GOLGA8B: variants seen among roughly 807,000 people sequenced by gnomAD.
GOLGA8B encodes golgin A8 family member B, also known as golgin subfamily A member 8B.
Under a neutral mutation model 15.6 loss-of-function variants are expected in GOLGA8B, and 1 was observed. The ratio of observed to expected loss-of-function variants is 0.06; its 90% CI spans 0.02 to 0.30. The LOEUF (loss-of-function observed/expected upper bound fraction) is 0.30, where lower values mean the gene tolerates loss of function less well. GOLGA8B is among the 10% of genes least tolerant of loss of function. GOLGA8B has a pLI of 1.00. For synonymous variants in GOLGA8B, 9 were observed against 80.3 expected (o/e 0.11, Z 4.75); for missense variants, 17 against 201.3 (o/e 0.08, Z 5.54).
At chr15:34,567,344 A>T (rs1437233503) in intron 1 of GOLGA8B, among the ~76,000 whole-genome samples, 2 of 149,852 alleles carry the variant, frequency 1.3e-5, no homozygotes, top group African/African-American at 2.5e-5. Context: ...GGCCCTCGAG[A>T]TCACACTGGG....
Position 34,525,452 on chromosome 15 carries a change from A to G in GOLGA8B, c.*2180T>C, listed in dbSNP as rs1894421928. ...CTTGGCAAACAAAGCTTTGGACTGG[A>G]ATTGGCATTTCTTTCTCTACTTTTC... is the stretch of plus-strand genomic sequence containing the variant. On this transcript the variant is annotated 3_prime_UTR_variant, in exon 24 of 24. Coordinates refer to ENST00000683415, the MANE Select transcript of GOLGA8B (RefSeq NM_001023567.5). 1 of 149,920 alleles carries G rather than the reference A, an allele frequency of 6.7e-6. No individual in the cohort carries two copies. Among genetic ancestry groups the G allele is most frequent in the Non-Finnish European group, 1.5e-5 (1 of 67,260 alleles). 9.3% of individuals were successfully genotyped at this position (149,920 alleles called of 1,614,324 possible). A position where few individuals can be genotyped will look rare whatever the true frequency, so the allele number is the denominator to read the frequency against.
In GOLGA8B at chr15:34,566,585, G is replaced by C. The variant is rs1253700095; in HGVS notation, c.-1122-12629C>G. On this transcript the variant is annotated intron_variant, in intron 1 of 23. Coordinates refer to ENST00000683415, the MANE Select transcript of GOLGA8B (RefSeq NM_001023567.5). ...CTACTGGAGGACAAGGCAGCAGGCA[G>C]GGAAGATGGCCCAAGCCTGCTTTGA... is the stretch of plus-strand genomic sequence containing the variant. 2 of 143,756 alleles carry C rather than the reference G, an allele frequency of 1.4e-5. 1 individual carries two copies. The highest frequency in any genetic ancestry group is 3.1e-5 in the Non-Finnish European group (2 of 63,692). The allele number at this position is 143,756 out of a possible 1,614,324, so 8.9% of individuals were successfully genotyped here. A position where few individuals can be genotyped will look rare whatever the true frequency, so the allele number is the denominator to read the frequency against.
chr15:34,572,844 C>A (rs62006257), intron 1 of GOLGA8B, among the ~76,000 whole-genome samples: 16,011 of 151,878 alleles, frequency 0.11, 877 homozygotes, highest in Admixed American at 0.24. Flanking sequence ...TTAGGCGCCA[C>A]CCCCGTTGAT....
chr15:34,572,232 A>G (rs1254522191), intron 1 of GOLGA8B, among the ~76,000 whole-genome samples: 3 of 152,204 alleles, frequency 2.0e-5, no homozygotes, highest in African/African-American at 7.2e-5. Context: ...AATGGTCACC[A>G]CCTGTCAAGA....
chr15:34,573,617 C>T (rs1483566246), intron 1 of GOLGA8B, among the ~76,000 whole-genome samples: 1 of 151,706 alleles, frequency 6.6e-6, no homozygotes, highest in African/African-American at 2.4e-5. Flanking sequence ...TAATCGAGTC[C>T]GTTTTTCTGA....
chr15:34,570,509 C>T (rs897970070), intron 1 of GOLGA8B, among the ~76,000 whole-genome samples: 2 of 114,558 alleles, frequency 1.7e-5, no homozygotes, highest in African/African-American at 3.0e-5. Flanking sequence ...AGCCAACCCA[C>T]TGACCATGAA....
intron 1 of GOLGA8B, among the ~76,000 whole-genome samples, chr15:34,570,666 G>T (rs201877593): frequency 2.5e-5 from 3 of 118,040 alleles, no homozygotes; most frequent in Non-Finnish European, 5.5e-5. Context: ...AAAAAAATAC[G>T]AGAGGAAGAA....
intron 1 of GOLGA8B, among the ~76,000 whole-genome samples, chr15:34,581,977 G>A (rs1421534165): frequency 6.6e-6 from 1 of 152,090 alleles, no homozygotes; most frequent in Non-Finnish European, 1.5e-5. Flanking sequence ...AGCTTTATCT[G>A]CTCACGCCCT....
At chr15:34,572,438 T>A (rs1011940107) in intron 1 of GOLGA8B, among the ~76,000 whole-genome samples, 6 of 152,218 alleles carry the variant, frequency 3.9e-5, no homozygotes, top group African/African-American at 1.4e-4. Flanking sequence ...AGTCACATAT[T>A]ATGCAAGCGT....
intron 1 of GOLGA8B, among the ~76,000 whole-genome samples, chr15:34,575,162 T>G (rs1372426092): frequency 2.0e-5 from 3 of 150,512 alleles, no homozygotes; most frequent in African/African-American, 7.3e-5. Context: ...GGCTGGGACT[T>G]GGCATCAGCT....
chr15:34,567,747 A>G (rs1290663591), intron 1 of GOLGA8B, among the ~76,000 whole-genome samples: 2 of 151,872 alleles, frequency 1.3e-5, no homozygotes, highest in Admixed American at 6.5e-5. Context: ...CAAGAATCCT[A>G]AAAGTTACCA....
At chr15:34,574,303 CTTT>C (rs112808701) in intron 1 of GOLGA8B, among the ~76,000 whole-genome samples, 26,173 of 144,474 alleles carry the variant, frequency 0.18, 2,219 homozygotes, top group Admixed American at 0.3. Context: ...TCAAATCAGA[CTTT>C]TTTTTTTTTT....
intron 1 of GOLGA8B, among the ~76,000 whole-genome samples, chr15:34,569,721 G>C (rs1423262313): frequency 6.6e-6 from 1 of 151,446 alleles, no homozygotes; most frequent in African/African-American, 2.4e-5. Flanking sequence ...AAAAGTCTAT[G>C]ATGTGCAAAA....
chr15:34,576,008 T>C (rs1423284591), intron 1 of GOLGA8B, among the ~76,000 whole-genome samples: 1 of 152,238 alleles, frequency 6.6e-6, no homozygotes, highest in Non-Finnish European at 1.5e-5. Context: ...GTTGTACCAC[T>C]GCAGAGTCCC....
chr15:34,583,462 C>T (rs62004939), intron 1 of GOLGA8B, 54 bp downstream of exon 1: 27,583 of 151,394 alleles, frequency 0.18, 3,037 homozygotes, highest in Non-Finnish European at 0.26. Flanking sequence ...GCGCCGCGGG[C>T]GGCCCCAGGT....
chr15:34,574,999 C>T (rs1889028119), intron 1 of GOLGA8B: 1 of 152,068 alleles, frequency 6.6e-6, no homozygotes, highest in African/African-American at 2.4e-5. Context: ...TCCCCAGACC[C>T]CACCCTGCTG....
At chr15:34,583,090 C>T (rs1203014828) in intron 1 of GOLGA8B, among the ~76,000 whole-genome samples, 1 of 152,128 alleles carries the variant, frequency 6.6e-6, no homozygotes, top group African/African-American at 2.4e-5. Context: ...TCAGTAGTTG[C>T]CGCCCAGCTC....
At position 34,526,539 on chromosome 15, in the gene GOLGA8B, CT is replaced by C. The variant is rs1342759444; in HGVS notation, c.*1092del. Reference sequence around the variant, plus strand: ...GAGAGGAATGCCAGGTGTCACACAGCTTTCCTTCACTCTAATTCATTCTTGA... The same window carrying C: ...GAGAGGAATGCCAGGTGTCACACAGCTTCCTTCACTCTAATTCATTCTTGA... On this transcript the variant is annotated 3_prime_UTR_variant, in exon 24 of 24. Transcript: ENST00000683415. The C allele has an allele frequency of 6.7e-6, 1 of 148,728 alleles. No individual in the cohort carries two copies. The highest frequency in any genetic ancestry group is 1.5e-5 in the Non-Finnish European group (1 of 67,140). 9.2% of individuals were successfully genotyped at this position (148,728 alleles called of 1,614,324 possible). A position where few individuals can be genotyped will look rare whatever the true frequency, so the allele number is the denominator to read the frequency against.
At chr15:34,572,748 C>A (rs1212772629) in intron 1 of GOLGA8B, among the ~76,000 whole-genome samples, 1 of 152,136 alleles carries the variant, frequency 6.6e-6, no homozygotes, top group Non-Finnish European at 1.5e-5. Context: ...AAGTTCTAAT[C>A]TTTATAATTA....
Sources: allele counts gnomAD v4.1 joint callset (sites outside exome capture counted in the v4.1 genomes callset), GRCh38; gene constraint gnomAD v4.1.1; transcripts MANE v1.5; gene names NCBI Gene and HGNC (gene_info 2026-07-23, HGNC 2026-07-21).